Variants in GPC3 observed in about 807,000 individuals in gnomAD.
The protein encoded by GPC3 is glypican-3.
A neutral mutation model predicts 34.4 loss-of-function variants in GPC3; 3 were observed. The observed-to-expected ratio is 0.09, with a 90% CI of 0.04 to 0.23. GPC3 has a LOEUF of 0.23. Ranked by LOEUF, GPC3 falls within the 10% of genes least tolerant of loss-of-function variation. The pLI is 1.00. For missense variants in GPC3, 351 were observed against 445.6 expected, an observed-to-expected ratio of 0.79 and a Z score of 1.91; for synonymous variants, 177 against 174.0, an observed-to-expected ratio of 1.02 and a Z score of -0.13.
chrX:133,961,078 A>C (rs1423261061), intron 1 of GPC3, among the ~76,000 whole-genome samples: 1 of 112,224 alleles, frequency 8.9e-6, no homozygotes, highest in African/African-American at 3.2e-5. Flanking sequence ...CAAGATAGGA[A>C]TACAGATGAA....
At chrX:133,891,928 CTG>C (rs1410707623) in intron 2 of GPC3, among the ~76,000 whole-genome samples, 1 of 110,733 alleles carries the variant, frequency 9.0e-6, no homozygotes, top group Non-Finnish European at 1.9e-5. Flanking sequence ...AGTAGCGAAT[CTG>C]TGTGAGAACT....
chrX:133,897,205 CTTTTTTTTT>C, intron 2 of GPC3, among the ~76,000 whole-genome samples: 1 of 82,652 alleles, frequency 1.2e-5, no homozygotes, highest in Non-Finnish European at 2.2e-5. Context: ...CGTGCCCGGC[CTTTTTTTTT>C]TTTTTTTTTT....
At chrX:133,564,845 C>T (rs183794373) in intron 7 of GPC3, among the ~76,000 whole-genome samples, 88 of 112,153 alleles carry the variant, frequency 7.8e-4, no homozygotes, top group African/African-American at 2.7e-3. Context: ...TTTAACTGTG[C>T]ATGCCAATGG....
intron 3 of GPC3, among the ~76,000 whole-genome samples, chrX:133,721,954 C>T (rs2071372270): frequency 9.0e-6 from 1 of 111,296 alleles, no homozygotes; most frequent in Non-Finnish European, 1.9e-5. Flanking sequence ...AAAATTAAAG[C>T]ACTTTGGGGC....
intron 7 of GPC3, among the ~76,000 whole-genome samples, chrX:133,549,873 C>A (rs1319691345): frequency 1.0e-5 from 1 of 95,708 alleles, no homozygotes; most frequent in African/African-American, 3.9e-5. Flanking sequence ...CTCTCTCTTC[C>A]TGTCTTCCCT....
chrX:133,980,928 C>A (rs1191094455), intron 1 of GPC3, among the ~76,000 whole-genome samples: 1 of 112,177 alleles, frequency 8.9e-6, no homozygotes, highest in East Asian at 2.8e-4. Context: ...GCAGAATGCT[C>A]AAAAATATTG....
At chrX:133,834,780 G>C (rs926351733) in intron 2 of GPC3, among the ~76,000 whole-genome samples, 2 of 111,914 alleles carry the variant, frequency 1.8e-5, no homozygotes, top group Admixed American at 9.5e-5. Context: ...CATTTTAACA[G>C]GGTTATTGTT....
intron 5 of GPC3, among the ~76,000 whole-genome samples, chrX:133,665,251 T>C (rs1423158333): frequency 8.9e-6 from 1 of 112,179 alleles, no homozygotes; most frequent in Non-Finnish European, 1.9e-5. Flanking sequence ...TACAGCACTT[T>C]ACAAAGCAGT....
At chrX:133,756,477 T>C (rs1423264226) in intron 2 of GPC3, among the ~76,000 whole-genome samples, 2 of 112,152 alleles carry the variant, frequency 1.8e-5, no homozygotes, top group African/African-American at 6.5e-5. Flanking sequence ...CTGCTGTGGA[T>C]ATGCCACTCC....
At chrX:133,890,887 G>T (rs1459910486) in intron 2 of GPC3, among the ~76,000 whole-genome samples, 1 of 107,888 alleles carries the variant, frequency 9.3e-6, no homozygotes, top group Admixed American at 1.0e-4. Flanking sequence ...AAATTAGTTG[G>T]GTATGGTTAC....
At chrX:133,774,504 C>T (rs2071955673) in intron 2 of GPC3, among the ~76,000 whole-genome samples, 2 of 110,587 alleles carry the variant, frequency 1.8e-5, no homozygotes, top group African/African-American at 3.3e-5. Context: ...CGCTTAGTGA[C>T]CGTGGAAGCA....
At chrX:133,767,300 T>C (rs1420618128) in intron 2 of GPC3, among the ~76,000 whole-genome samples, 1 of 111,609 alleles carries the variant, frequency 9.0e-6, no homozygotes, top group Non-Finnish European at 1.9e-5. Flanking sequence ...ACAACAATAA[T>C]TCCCCAGAAA....
chrX:133,859,540 C>T (rs1603261419), intron 2 of GPC3, among the ~76,000 whole-genome samples: 3 of 111,685 alleles, frequency 2.7e-5, no homozygotes, highest in Non-Finnish European at 5.6e-5. Flanking sequence ...GAGATGAAGG[C>T]GAAAGTTCCA....
At chrX:133,742,889 C>G (rs931453742) in intron 3 of GPC3, among the ~76,000 whole-genome samples, 1 of 111,758 alleles carries the variant, frequency 8.9e-6, no homozygotes, top group East Asian at 2.8e-4. Context: ...CTGAGTGGAA[C>G]GAAAAAGGGA....
intron 2 of GPC3, among the ~76,000 whole-genome samples, chrX:133,835,733 G>T (rs989341408): frequency 2.7e-5 from 3 of 112,362 alleles, no homozygotes; most frequent in Non-Finnish European, 5.6e-5. Context: ...ACTGAAATTG[G>T]TAATAAGATT....
chrX:133,544,405 T>C (rs1970883535), intron 7 of GPC3, among the ~76,000 whole-genome samples: 1 of 112,200 alleles, frequency 8.9e-6, no homozygotes, highest in Admixed American at 9.4e-5. Flanking sequence ...TGTCCTTAAC[T>C]AGGGCTCAGA....
intron 5 of GPC3, among the ~76,000 whole-genome samples, chrX:133,688,327 C>T (rs1347466950): frequency 9.0e-6 from 1 of 111,653 alleles, no homozygotes; most frequent in Non-Finnish European, 1.9e-5. Flanking sequence ...ATCTCAAGCC[C>T]AGATAGGGTG....
chrX:133,945,100 T>A (rs1051864991), intron 2 of GPC3, among the ~76,000 whole-genome samples: 1 of 111,958 alleles, frequency 8.9e-6, no homozygotes, highest in Non-Finnish European at 1.9e-5. Context: ...CAATTAATAA[T>A]TTGAATTTGG....
rs754454503 is a variant in GPC3 at position 133,812,475 on chromosome X, G to A, written c.338-58299C>T. Among the ~76,000 whole-genome samples the A allele has an allele frequency of 2.7e-5, 3 of 111,997 alleles. No homozygotes were observed. The East Asian group carries it at 8.5e-4, about 32-fold the overall frequency. ...CTATAGAAAACTGGGAGGGGGAACAGGTGAGGAGGAATAAGGAGACCTCAG... is the reference window on the plus strand; with the variant it reads ...CTATAGAAAACTGGGAGGGGGAACAAGTGAGGAGGAATAAGGAGACCTCAG... On this transcript the variant is annotated intron_variant, in intron 2 of 7. Coordinates refer to ENST00000370818, the MANE Select transcript of GPC3 (RefSeq NM_004484.4).
Sources: allele counts gnomAD v4.1 joint callset (sites outside exome capture counted in the v4.1 genomes callset), GRCh38; gene constraint gnomAD v4.1.1; transcripts MANE v1.5; gene names NCBI Gene and HGNC (gene_info 2026-07-23, HGNC 2026-07-21).